The following GOPC variants were observed in gnomAD, a reference collection of about 807,000 sequenced individuals.
GOPC encodes golgi associated PDZ and coiled-coil motif containing.
A neutral mutation model predicts 51.2 loss-of-function variants in GOPC; 32 were observed. The ratio of observed to expected loss-of-function variants is 0.63; its 90% confidence interval spans 0.47 to 0.84. The LOEUF is 0.84. Ranked by LOEUF, GOPC falls within the 40% of genes least tolerant of loss-of-function variation. The pLI is 0.00. For missense variants in GOPC, 441 were observed against 555.5 expected (o/e 0.79, Z 2.07); for synonymous variants, 190 against 205.1 (o/e 0.93, Z 0.63).
At chr6:117,574,904 C>A (rs1779857114) in intron 4 of GOPC, among the ~76,000 whole-genome samples, 1 of 152,036 alleles carries the variant, frequency 6.6e-6, no homozygotes, top group Non-Finnish European at 1.5e-5. Context: ...CATGGTGAAA[C>A]CCCATCTCTA....
At chr6:117,577,592 T>C (rs1211676335) in intron 2 of GOPC, 121 bp from the exon 3 acceptor site, 8 of 701,448 alleles carry the variant, frequency 1.1e-5, no homozygotes, top group African/African-American at 5.5e-5. Flanking sequence ...TAAAGTTCAT[T>C]AGAACAAATA....
intron 1 of GOPC, among the ~76,000 whole-genome samples, chr6:117,589,066 T>C (rs918236380): frequency 2.6e-5 from 4 of 152,150 alleles, no homozygotes; most frequent in Non-Finnish European, 4.4e-5. Context: ...AAAAAACAAA[T>C]CACGCAAAAA....
chr6:117,562,433 A>G lies in GOPC; in HGVS notation c.*821T>C, dbSNP rs998951570. 2 of 202,404 alleles carry G rather than the reference A, an allele frequency of 9.9e-6. No individual in the cohort carries two copies. Among genetic ancestry groups the G allele is most frequent in the African/African-American group, 4.6e-5 (2 of 43,664 alleles). The allele number at this position is 202,404 out of a possible 1,614,324, so 12.5% of individuals were successfully genotyped here. A position where few individuals can be genotyped will look rare whatever the true frequency, so the allele number is the denominator to read the frequency against. Reference sequence around the variant, plus strand: ...CTTTATGAACAACTCAAAATGTATAAAACTGTCTTTTGTGGACCCCAGAAA... The same window carrying G: ...CTTTATGAACAACTCAAAATGTATAGAACTGTCTTTTGTGGACCCCAGAAA... On this transcript the variant is annotated 3_prime_UTR_variant, in exon 9 of 9. Coordinates refer to ENST00000368498, the MANE Select transcript of GOPC (RefSeq NM_020399.4).
chr6:117,580,751 T>C (rs1779945395), intron 1 of GOPC, among the ~76,000 whole-genome samples: 1 of 152,210 alleles, frequency 6.6e-6, no homozygotes, highest in African/African-American at 2.4e-5. Context: ...AATGGCATTT[T>C]AGCAACACTA....
At chr6:117,582,911 G>A (rs1443586846) in intron 1 of GOPC, among the ~76,000 whole-genome samples, 1 of 151,838 alleles carries the variant, frequency 6.6e-6, no homozygotes, top group East Asian at 2.0e-4. Context: ...CCTTACTGGT[G>A]GAGGGCAGCT....
chr6:117,565,074 T>C lies in GOPC; in HGVS notation c.1259-1690A>G, dbSNP rs1377590299. 2.0e-5 allele frequency among the ~76,000 whole-genome samples: 3 copies of C among 151,714 alleles called. No individual in the cohort carries two copies. The East Asian group carries it at 5.8e-4, about 29-fold the overall frequency. ...TATTAGTAGGTAAAATTGAAAAATCTAAAAAAAAATTCATTTCTTTGTTAA... is the reference window on the plus strand; with the variant it reads ...TATTAGTAGGTAAAATTGAAAAATCCAAAAAAAAATTCATTTCTTTGTTAA... On this transcript the variant is annotated intron_variant, in intron 8 of 8. Transcript: ENST00000368498.
intron 1 of GOPC, among the ~76,000 whole-genome samples, chr6:117,590,369 G>A (rs757408138): frequency 1.1e-4 from 16 of 152,094 alleles, no homozygotes; most frequent in Non-Finnish European, 2.1e-4. Flanking sequence ...TTAGGAGATC[G>A]AGACCAGCCT....
At chr6:117,575,043 C>T in intron 4 of GOPC, 134 bp downstream of exon 4, 1 of 619,632 alleles carries the variant, frequency 1.6e-6, no homozygotes. Flanking sequence ...CATGCCACTG[C>T]ACTCCAGCCT....
intron 3 of GOPC, among the ~76,000 whole-genome samples, chr6:117,575,876 G>A (rs1214265779): frequency 2.0e-5 from 3 of 152,108 alleles, no homozygotes; most frequent in Non-Finnish European, 2.9e-5. Flanking sequence ...TTGTGAGGAC[G>A]TAAATAAAAA....
chr6:117,585,737 A>G (rs767467018), intron 1 of GOPC, among the ~76,000 whole-genome samples: 9 of 152,204 alleles, frequency 5.9e-5, no homozygotes, highest in Non-Finnish European at 2.9e-5. Flanking sequence ...CAGATTCTGA[A>G]CCCCATACAC....
At chr6:117,600,037 T>C (rs1198713699) in intron 1 of GOPC, among the ~76,000 whole-genome samples, 1 of 152,230 alleles carries the variant, frequency 6.6e-6, no homozygotes, top group African/African-American at 2.4e-5. Context: ...ACTTTCTGTT[T>C]CTTATAACAG....
intron 1 of GOPC, among the ~76,000 whole-genome samples, chr6:117,595,144 T>A (rs1780177987): frequency 6.6e-6 from 1 of 152,220 alleles, no homozygotes; most frequent in African/African-American, 2.4e-5. Context: ...ATAAGAATTC[T>A]CATTGGTTTA....
At chr6:117,585,036 AT>A (rs1399028015) in intron 1 of GOPC, among the ~76,000 whole-genome samples, 1 of 152,172 alleles carries the variant, frequency 6.6e-6, no homozygotes, top group Admixed American at 6.5e-5. Flanking sequence ...ATTTTTATAA[AT>A]TATCCCCATT....
chr6:117,595,871 G>A (rs1468684823), intron 1 of GOPC, among the ~76,000 whole-genome samples: 3 of 152,150 alleles, frequency 2.0e-5, no homozygotes, highest in African/African-American at 7.2e-5. Context: ...ATGTTTGCAA[G>A]TATCTTTTTC....
intron 3 of GOPC, 147 bp downstream of exon 3, chr6:117,577,301 T>C (rs1779896945): frequency 2.9e-6 from 2 of 686,414 alleles, no homozygotes; most frequent in Non-Finnish European, 2.5e-6. Flanking sequence ...GGCCATCCAC[T>C]GAACTTTTCA....
chr6:117,571,676 G>A, intron 5 of GOPC, among the ~76,000 whole-genome samples: 1 of 151,922 alleles, frequency 6.6e-6, no homozygotes, highest in East Asian at 1.9e-4. Context: ...CAGTCCTCTG[G>A]TCTCTGTAAT....
At chr6:117,566,090 G>C (rs1779690941) in intron 8 of GOPC, among the ~76,000 whole-genome samples, 1 of 152,154 alleles carries the variant, frequency 6.6e-6, no homozygotes, top group African/African-American at 2.4e-5. Flanking sequence ...TGGCAAGGAA[G>C]AAAACAATGA....
Position 117,563,187 on chromosome 6 carries a change from C to T in GOPC, c.*67G>A, listed in dbSNP as rs948885542. 1.4e-6 allele frequency: 2 copies of T among 1,459,046 alleles called. No individual in the cohort carries two copies. The highest frequency in any genetic ancestry group is 2.8e-5 in the African/African-American group (2 of 70,954). The allele number at this position is 1,459,046 out of a possible 1,614,324, so 90.4% of individuals were successfully genotyped here. ...TCCCCTGATTTTGTAGTCTTTGTCA[C>T]CATCTTCCCCAGTGCCCCAAATTCA... is the stretch of plus-strand genomic sequence containing the variant. On this transcript the variant is annotated 3_prime_UTR_variant, in exon 9 of 9. Transcript: ENST00000368498.
Position 117,569,719 on chromosome 6 carries a change from A to G in GOPC, c.930T>C (p.Gly310=), listed in dbSNP as rs776112829. Residue 310 remains glycine, a synonymous_variant, in exon 7 of 9, where the codon GGT becomes GGC. Coordinates refer to ENST00000368498, the MANE Select transcript of GOPC (RefSeq NM_020399.4). ...GGATCTCAGAGATGAGGATTGGAAC[A>G]CCATGTTCTTTCCCACCCTAACAAC... ...GISITGGKEH[G]VPILISEIHP... 3.8e-6 allele frequency: 6 copies of G among 1,595,494 alleles called. No individual in the cohort carries two copies. In the African/African-American group the frequency reaches 8.1e-5, roughly 22 times the overall value.
Sources: allele counts gnomAD v4.1 joint callset (sites outside exome capture counted in the v4.1 genomes callset), GRCh38; gene constraint gnomAD v4.1.1; transcripts MANE v1.5; gene names NCBI Gene and HGNC (gene_info 2026-07-23, HGNC 2026-07-21).